Variants in CDH7 observed in about 807,000 individuals in gnomAD.
CDH7 encodes cadherin-7.
Under a neutral mutation model 71.8 loss-of-function variants are expected in CDH7, and 25 were observed. The ratio of observed to expected loss-of-function variants is 0.35; its 90% CI spans 0.25 to 0.49. The LOEUF (loss-of-function observed/expected upper bound fraction) is 0.49, where lower values mean the gene tolerates loss of function less well. CDH7 is among the 20% of genes least tolerant of loss of function. The pLI is 0.99. For missense variants in CDH7, 862 were observed against 974.6 expected, an observed-to-expected ratio of 0.88 and a Z score of 1.54; for synonymous variants, 381 against 363.8, an observed-to-expected ratio of 1.05 and a Z score of -0.54.
In CDH7 at chr18:65,809,875, C is replaced by T. The variant is rs757701408; in HGVS notation, c.382C>T (p.Leu128Phe). ...GCTCCGAGCTCAAGCGCTGGATAGG[C>T]TCACCAACAAACCCGTGGAGCCCGA... is the stretch of plus-strand genomic sequence containing the variant. ...YTLRAQALDR[L>F]TNKPVEPESE... is the part of the protein sequence containing the mutation. The change falls in exon 3 of 12, where the codon CTC (leucine) becomes TTC (phenylalanine). Residue 128 changes from leucine to phenylalanine, a missense_variant. Leu to Phe is a conservative substitution (Grantham distance 22). Coordinates refer to ENST00000397968, the MANE Select transcript of CDH7 (RefSeq NM_004361.5). 1 of 1,613,918 alleles carries T rather than the reference C, an allele frequency of 6.2e-7. No homozygotes were observed. The highest frequency in any genetic ancestry group is 1.1e-5 in the South Asian group (1 of 91,074).
chr18:65,859,843 T>A lies in CDH7; in HGVS notation c.1612+18T>A, dbSNP rs752080525. ...TAACAAAGGTAATGTATTAATATTG[T>A]TACCGATAGAGGCAGCAGGTACAGA... On this transcript the variant is annotated intron_variant, in intron 10 of 11. Transcript: ENST00000397968. 3.6e-6 allele frequency: 5 copies of A among 1,373,146 alleles called. No individual in the cohort carries two copies. The highest frequency in any genetic ancestry group is 5.2e-6 in the Non-Finnish European group (5 of 961,016). 85.1% of individuals were successfully genotyped at this position (1,373,146 alleles called of 1,614,324 possible). A position where few individuals can be genotyped will look rare whatever the true frequency, so the allele number is the denominator to read the frequency against.
At chr18:65,773,780 C>G (rs1308511372) in intron 2 of CDH7, among the ~76,000 whole-genome samples, 1 of 151,940 alleles carries the variant, frequency 6.6e-6, no homozygotes, top group African/African-American at 2.4e-5. Flanking sequence ...TCTGTATGTT[C>G]TCAGTGGATG....
chr18:65,833,950 G>T (rs1663811279), intron 6 of CDH7, among the ~76,000 whole-genome samples: 1 of 152,048 alleles, frequency 6.6e-6, no homozygotes, highest in South Asian at 2.1e-4. Context: ...CAGAATATGT[G>T]TATATCAAAG....
intron 2 of CDH7, among the ~76,000 whole-genome samples, chr18:65,800,322 T>A (rs1232677611): frequency 6.6e-6 from 1 of 152,072 alleles, no homozygotes; most frequent in Non-Finnish European, 1.5e-5. Context: ...CTTGTGATCC[T>A]CCCGCCTTAG....
intron 8 of CDH7, among the ~76,000 whole-genome samples, chr18:65,858,355 A>G (rs1294262199): frequency 6.6e-6 from 1 of 151,952 alleles, no homozygotes; most frequent in Non-Finnish European, 1.5e-5. Flanking sequence ...ATAAAATAAT[A>G]AATAAAATAA....
chr18:65,756,886 G>A (rs1457006827), intron 1 of CDH7, among the ~76,000 whole-genome samples: 1 of 152,154 alleles, frequency 6.6e-6, no homozygotes, highest in Non-Finnish European at 1.5e-5. Flanking sequence ...TTGGCAGTTA[G>A]CCATGTTTTA....
chr18:65,809,620 C>A, intron 2 of CDH7, 84 bp from the exon 3 acceptor site: 3 of 1,150,802 alleles, frequency 2.6e-6, no homozygotes, highest in Non-Finnish European at 3.8e-6. Context: ...TGTACTCCTG[C>A]CTGACATAAG....
chr18:65,860,865 C>T (rs762691034), intron 10 of CDH7, among the ~76,000 whole-genome samples: 6 of 152,092 alleles, frequency 3.9e-5, no homozygotes, highest in Non-Finnish European at 7.4e-5. Flanking sequence ...ATAATTTTTC[C>T]TGATCTTATT....
intron 6 of CDH7, among the ~76,000 whole-genome samples, chr18:65,837,625 A>C (rs1331780123): frequency 6.6e-6 from 1 of 152,152 alleles, no homozygotes; most frequent in Non-Finnish European, 1.5e-5. Context: ...CAGAAAAAAG[A>C]TTTACAATGA....
intron 10 of CDH7, among the ~76,000 whole-genome samples, chr18:65,861,904 T>C (rs1913577708): frequency 6.6e-6 from 1 of 152,130 alleles, no homozygotes; most frequent in Non-Finnish European, 1.5e-5. Context: ...TAAATACTCT[T>C]ATTATTTAAT....
chr18:65,782,122 CTT>C, intron 2 of CDH7, among the ~76,000 whole-genome samples: 1 of 66,222 alleles, frequency 1.5e-5, no homozygotes, highest in Non-Finnish European at 2.4e-5. Context: ...TTCTTTCTTT[CTT>C]TCTTTCTTTC....
At chr18:65,811,942 T>G (rs1015948446) in intron 3 of CDH7, among the ~76,000 whole-genome samples, 3 of 149,686 alleles carry the variant, frequency 2.0e-5, no homozygotes, top group African/African-American at 7.3e-5. Flanking sequence ...CTGTTTCATA[T>G]CACAGTACCT....
intron 6 of CDH7, among the ~76,000 whole-genome samples, chr18:65,839,643 A>G (rs1912657244): frequency 6.6e-6 from 1 of 152,206 alleles, no homozygotes; most frequent in Admixed American, 6.5e-5. Flanking sequence ...TTAATGTAAA[A>G]AAGTTTTATT....
chr18:65,841,563 G>T (rs997448319), intron 6 of CDH7, among the ~76,000 whole-genome samples: 1 of 152,084 alleles, frequency 6.6e-6, no homozygotes, highest in African/African-American at 2.4e-5. Flanking sequence ...ACAAACTGAG[G>T]TTATTATCTA....
intron 2 of CDH7, among the ~76,000 whole-genome samples, chr18:65,790,046 G>T (rs1310559712): frequency 6.6e-6 from 1 of 151,632 alleles, no homozygotes; most frequent in Non-Finnish European, 1.5e-5. Flanking sequence ...TGGCTAACAT[G>T]GTAAAACCCT....
At chr18:65,824,558 T>C (rs1283300637) in intron 5 of CDH7, 86 bp from the exon 6 acceptor site, 4 of 833,534 alleles carry the variant, frequency 4.8e-6, no homozygotes, top group East Asian at 2.7e-5. Flanking sequence ...GAAGTTGTGC[T>C]ACAATGATGC....
intron 7 of CDH7, among the ~76,000 whole-genome samples, chr18:65,846,022 C>A (rs1912922602): frequency 6.6e-6 from 1 of 152,028 alleles, no homozygotes; most frequent in South Asian, 2.1e-4. Flanking sequence ...TTAAATTATT[C>A]TATTACCCAC....
chr18:65,880,718 GAC>G lies in CDH7; in HGVS notation c.2183_2184del (p.Asp728ValfsTer8), dbSNP rs1914202656. ...ADVDPGAPPYDSLQTYAFEGN... is the reference protein window; with the variant it reads ...ADVDPGAPPYXSLQTYAFEGN... Reference sequence around the variant, plus strand: ...TGTTGATCCTGGTGCTCCTCCTTATGACTCCCTGCAGACATATGCTTTTGAAG... The same window carrying G: ...TGTTGATCCTGGTGCTCCTCCTTATGTCCCTGCAGACATATGCTTTTGAAG... On this transcript the variant is annotated frameshift_variant, in exon 12 of 12. Coordinates refer to ENST00000397968, the MANE Select transcript of CDH7 (RefSeq NM_004361.5). LOFTEE classifies it high-confidence loss of function. 2 of 1,613,990 alleles carry G rather than the reference GAC, an allele frequency of 1.2e-6. No individual in the cohort carries two copies. Among genetic ancestry groups the G allele is most frequent in the African/African-American group, 2.7e-5 (2 of 74,910 alleles).
At chr18:65,784,206 C>G (rs1910427252) in intron 2 of CDH7, among the ~76,000 whole-genome samples, 1 of 150,564 alleles carries the variant, frequency 6.6e-6, no homozygotes, top group Non-Finnish European at 1.5e-5. Context: ...CTCAGCTTCC[C>G]AAAGTGCTGA....
Sources: allele counts gnomAD v4.1 joint callset (sites outside exome capture counted in the v4.1 genomes callset), GRCh38; gene constraint gnomAD v4.1.1; transcripts MANE v1.5; gene names NCBI Gene and HGNC (gene_info 2026-07-23, HGNC 2026-07-21).